The following ZC3H3 variants were observed in gnomAD, a reference collection of about 807,000 sequenced individuals.
The protein encoded by ZC3H3 is zinc finger CCCH domain-containing protein 3.
Under a neutral mutation model 77.3 loss-of-function variants are expected in ZC3H3, and 36 were observed. The observed-to-expected ratio is 0.47, with a 90% CI of 0.36 to 0.61. The LOEUF (loss-of-function observed/expected upper bound fraction) is 0.61, where lower values mean the gene tolerates loss of function less well. ZC3H3 is among the 20% of genes least tolerant of loss of function. ZC3H3 has a pLI of 0.00. For synonymous variants in ZC3H3, 626 were observed against 555.2 expected (o/e 1.13, Z -1.79); for missense variants, 1,331 against 1,312.2 (o/e 1.01, Z -0.22).
At chr8:143,441,678 C>A (rs540864857) in intron 9 of ZC3H3, among the ~76,000 whole-genome samples, 2 of 152,282 alleles carry the variant, frequency 1.3e-5, no homozygotes, top group South Asian at 2.1e-4. Context: ...GTGCTCTGGG[C>A]AGCAACATGG....
At chr8:143,470,954 C>G (rs778257694) in intron 5 of ZC3H3, among the ~76,000 whole-genome samples, 1 of 152,150 alleles carries the variant, frequency 6.6e-6, no homozygotes, top group Non-Finnish European at 1.5e-5. Flanking sequence ...AGACTCGGCT[C>G]CCACCAGCCC....
chr8:143,507,769 C>A lies in ZC3H3; in HGVS notation c.1692G>T (p.Arg564=). The A allele has an allele frequency of 6.3e-7, 1 of 1,588,134 alleles. No individual in the cohort carries two copies. The highest frequency in any genetic ancestry group is 1.1e-5 in the South Asian group (1 of 90,266). Residue 564 remains arginine (R), a synonymous_variant, in exon 4 of 12, where the codon CGG becomes CGT. Coordinates refer to ENST00000262577, the MANE Select transcript of ZC3H3 (RefSeq NM_015117.3). The part of the protein sequence containing the change: ...PPFPLSLPSW[R]ARRLSLSRSL... Reference sequence around the variant, plus strand: ...ACCTGGATAGTGAGAGCCGCCGGGCCCGCCAGGAGGGCAGAGACAGGGGGA... The same window carrying A: ...ACCTGGATAGTGAGAGCCGCCGGGCACGCCAGGAGGGCAGAGACAGGGGGA...
intron 4 of ZC3H3, chr8:143,485,042 C>T: frequency 3.6e-6 from 1 of 274,980 alleles, no homozygotes; most frequent in South Asian, 3.0e-5. Context: ...AAAACCAAAG[C>T]CCTGCAAGAC....
At chr8:143,471,107 C>T (rs973961903) in intron 5 of ZC3H3, among the ~76,000 whole-genome samples, 1 of 152,228 alleles carries the variant, frequency 6.6e-6, no homozygotes, top group African/African-American at 2.4e-5. Flanking sequence ...TGGACAGCTG[C>T]TGCCTGGCCC....
At chr8:143,461,563 C>T (rs1333840713) in intron 9 of ZC3H3, among the ~76,000 whole-genome samples, 3 of 152,102 alleles carry the variant, frequency 2.0e-5, no homozygotes, top group South Asian at 2.1e-4. Flanking sequence ...CGCGGACATT[C>T]GAGGCAGTAT....
At chr8:143,528,235 G>T (rs984247692) in intron 3 of ZC3H3, among the ~76,000 whole-genome samples, 1 of 152,196 alleles carries the variant, frequency 6.6e-6, no homozygotes, top group African/African-American at 2.4e-5. Flanking sequence ...CAGGGCAGGG[G>T]AGCCATATTG....
In ZC3H3 at chr8:143,475,545, C is replaced by A. The variant is rs771530926; in HGVS notation, c.1756G>T (p.Gly586Cys). Residue 586 changes from glycine (G) to cysteine (C), a missense_variant, in exon 5 of 12, where the codon GGT (glycine) becomes TGT (cysteine). Physicochemically the swap from Gly to Cys is radical, Grantham distance 159 (BLOSUM62 -3). Transcript: ENST00000262577. ...GGGGAGCCCGGTTGGGCTTTCCCACCCCCGCTGGCAACTGGACGCAGGCGG... is the reference window on the plus strand; with the variant it reads ...GGGGAGCCCGGTTGGGCTTTCCCACACCCGCTGGCAACTGGACGCAGGCGG... ...LNRLRPVASG[G>C]GKAQPGSPWW... 9.9e-6 allele frequency: 16 copies of A among 1,609,752 alleles called. No individual in the cohort carries two copies. The highest frequency in any genetic ancestry group is 1.7e-4 in the Middle Eastern group (1 of 6,050).
At chr8:143,503,434 G>A (rs1478952930) in intron 4 of ZC3H3, among the ~76,000 whole-genome samples, 5 of 152,090 alleles carry the variant, frequency 3.3e-5, no homozygotes, top group African/African-American at 1.2e-4. Context: ...CCTTCCATCT[G>A]ACAACGACGA....
chr8:143,519,874 G>C (rs1183252888), intron 3 of ZC3H3, among the ~76,000 whole-genome samples: 1 of 152,182 alleles, frequency 6.6e-6, no homozygotes, highest in African/African-American at 2.4e-5. Context: ...CCTGCCCTGT[G>C]GGAAGCCACG....
chr8:143,466,310 G>C (rs1339699245), intron 8 of ZC3H3, among the ~76,000 whole-genome samples: 1 of 152,186 alleles, frequency 6.6e-6, no homozygotes, highest in African/African-American at 2.4e-5. Context: ...CCAGGCACCT[G>C]ACCCGTGGGC....
Position 143,462,597 on chromosome 8 carries a change from G to C in ZC3H3, c.2307+3120C>G, listed in dbSNP as rs1451847597. Among the ~76,000 whole-genome samples the C allele has an allele frequency of 1.3e-5, 2 of 152,194 alleles. No individual in the cohort carries two copies. The highest frequency in any genetic ancestry group is 2.4e-5 in the African/African-American group (1 of 41,438). On this transcript the variant is annotated intron_variant, in intron 9 of 11. Coordinates refer to ENST00000262577, the MANE Select transcript of ZC3H3 (RefSeq NM_015117.3). The surrounding 1 kb of genome is among the most constrained non-coding windows in gnomAD (Gnocchi z 4.7). ...TCCCAGGTGACTCAGGTCTCAGCTC[G>C]CACTTGGGGAGCTGAAACCCAAGGC... is the stretch of plus-strand genomic sequence containing the variant.
chr8:143,464,122 G>A (rs929663541), intron 9 of ZC3H3, among the ~76,000 whole-genome samples: 3 of 152,242 alleles, frequency 2.0e-5, no homozygotes, highest in Non-Finnish European at 4.4e-5. Flanking sequence ...GCTGCCGCCT[G>A]TCCCCGCTGG....
chr8:143,502,420 A>G (rs962611619), intron 4 of ZC3H3, among the ~76,000 whole-genome samples: 1 of 152,262 alleles, frequency 6.6e-6, no homozygotes, highest in African/African-American at 2.4e-5. Context: ...ATGAGACGCC[A>G]CTTTGGAGAA....
chr8:143,519,389 C>T (rs1365539517), intron 3 of ZC3H3, among the ~76,000 whole-genome samples: 1 of 152,194 alleles, frequency 6.6e-6, no homozygotes, highest in Non-Finnish European at 1.5e-5. Context: ...GACCATAGTG[C>T]AATGGGAGGG....
intron 5 of ZC3H3, among the ~76,000 whole-genome samples, chr8:143,471,049 G>C (rs537776045): frequency 6.6e-6 from 1 of 152,322 alleles, no homozygotes; most frequent in African/African-American, 2.4e-5. Context: ...GGGCCTTGCA[G>C]TCAGAGGTTC....
intron 3 of ZC3H3, among the ~76,000 whole-genome samples, chr8:143,512,976 C>A (rs966960993): frequency 2.0e-5 from 3 of 151,974 alleles, no homozygotes; most frequent in African/African-American, 7.3e-5. Context: ...GAGGAGAGAG[C>A]AGGGCATAGG....
Position 143,475,569 on chromosome 8 carries a change from G to A in ZC3H3, c.1732C>T (p.Arg578Cys), listed in dbSNP as rs71520524. The change falls in exon 5 of 12, where the codon CGC becomes TGC. Residue 578 changes from arginine (R) to cysteine (C), a missense_variant. Arg to Cys is a radical substitution (Grantham distance 180). Around this residue, in one of 3 missense-constraint regions of ZC3H3, gnomAD observed 978 missense variants for 915.5 expected, o/e 1.07. Transcript: ENST00000262577. ...LSLSRSLVLN[R>C]LRPVASGGGK... Reference sequence around the variant, plus strand: ...CCCCCGCTGGCAACTGGACGCAGGCGGTTCAGCACCAGGGACCTGCAGAGA... The same window carrying A: ...CCCCCGCTGGCAACTGGACGCAGGCAGTTCAGCACCAGGGACCTGCAGAGA... 50,966 of 1,601,800 alleles carry A rather than the reference G, an allele frequency of 0.032. 866 individuals carry two copies. Among genetic ancestry groups the A allele is most frequent in the Non-Finnish European group, 0.035 (40,756 of 1,174,626 alleles).
intron 3 of ZC3H3, among the ~76,000 whole-genome samples, chr8:143,529,919 C>T (rs1487912039): frequency 7.2e-5 from 11 of 152,232 alleles, no homozygotes; most frequent in Admixed American, 7.2e-4. Context: ...CTAGTGACAC[C>T]AGCCAGAGGT....
Position 143,440,313 on chromosome 8 carries a change from G to A in ZC3H3, c.2543C>T (p.Ala848Val). The change falls in exon 11 of 12, where the codon GCC (alanine) becomes GTC (valine). Residue 848 changes from alanine to valine, a missense_variant. Transcript: ENST00000262577. ...TGCAGCCACGGCAGCCGCAGTGAGG[G>A]CAGCCGAGCTGGGCGTCTGCCTGGT... The part of the protein sequence containing the change: ...RPTRQTPSSA[A>V]LTAAAVAAPP... 6.4e-7 allele frequency: 1 copy of A among 1,556,824 alleles called. No individual in the cohort carries two copies. The highest frequency in any genetic ancestry group is 8.7e-7 in the Non-Finnish European group (1 of 1,148,418).
Sources: gnomAD v4.1 joint callset for allele counts (sites outside exome capture counted in the v4.1 genomes callset) on GRCh38, gnomAD v4.1.1 for gene constraint, gnomAD v4.1.1 regional missense constraint, Gnocchi (gnomAD v3.1) non-coding constraint, MANE v1.5 for transcripts, NCBI Gene and HGNC (gene_info 2026-07-23, HGNC 2026-07-21) for gene names.